Variants in PLXNA2 observed in about 807,000 individuals in gnomAD.
PLXNA2 encodes plexin A2, also known as plexin-A2.
Under a neutral mutation model 193.5 loss-of-function variants are expected in PLXNA2, and 91 were observed. The ratio of observed to expected loss-of-function variants is 0.47; its 90% CI spans 0.40 to 0.56. PLXNA2 has a LOEUF of 0.56. Ranked by LOEUF, PLXNA2 falls within the 20% of genes least tolerant of loss-of-function variation. The pLI is 0.00. For synonymous variants in PLXNA2, 997 were observed against 1,027.3 expected (o/e 0.97, Z 0.56); for missense variants, 1,995 against 2,503.2 (o/e 0.80, Z 4.33).
rs368056918 is a variant in PLXNA2, at chr1:208,186,708, A to ATTTTGTTTTTTGTTTTTTG, written c.1371+23571_1371+23572insCAAAAAACAAAAAACAAAA. ...GGGCTGTCCTGGGAATTGCAATGTTATTTTATTTTTTTTTTTTTTTTTGAG... is the reference window on the plus strand; with the variant it reads ...GGGCTGTCCTGGGAATTGCAATGTTATTTTGTTTTTTGTTTTTTGTTTTATTTTTTTTTTTTTTTTTGAG... On this transcript the variant is annotated intron_variant, in intron 3 of 31. Transcript: ENST00000367033. 3.8e-4 allele frequency among the ~76,000 whole-genome samples: 43 copies of ATTTTGTTTTTTGTTTTTTG among 111,714 alleles called. 2 individuals carry two copies. Among genetic ancestry groups the ATTTTGTTTTTTGTTTTTTG allele is most frequent in the Middle Eastern group, 4.1e-3 (1 of 246 alleles). The allele number at this position is 111,714 out of a possible 152,430, so 73.3% of individuals were successfully genotyped here. A position where few individuals can be genotyped will look rare whatever the true frequency, so the allele number is the denominator to read the frequency against.
At position 208,038,928 on chromosome 1, in the gene PLXNA2, C is replaced by A; in HGVS notation, c.4557G>T (p.Val1519=). ...CCTGTGTGATGGTGTCACAGTTTAA[C>A]ACCTTCACTGGGATCTCTGGACTGT... ...NENSPEIPVK[V]LNCDTITQVK... Residue 1519 remains valine (V), a synonymous_variant, in exon 25 of 32, where the codon GTG becomes GTT. Transcript: ENST00000367033. This position sits in a 1 kb window ranked among gnomAD's most constrained non-coding sequence, Gnocchi z 4.1. The A allele has an allele frequency of 6.2e-7, 1 of 1,614,122 alleles. No individual in the cohort carries two copies. Among genetic ancestry groups the A allele is most frequent in the Non-Finnish European group, 8.5e-7 (1 of 1,180,004 alleles).
intron 4 of PLXNA2, among the ~76,000 whole-genome samples, chr1:208,109,406 C>T (rs867646384): frequency 1.9e-4 from 29 of 152,326 alleles, no homozygotes; most frequent in South Asian, 4.1e-4. Flanking sequence ...AGATCTGACA[C>T]TCATTTACAC....
chr1:208,194,298 G>T (rs1428571418), intron 3 of PLXNA2, among the ~76,000 whole-genome samples: 3 of 151,854 alleles, frequency 2.0e-5, no homozygotes, highest in East Asian at 3.9e-4. Context: ...GGAAAGGGCC[G>T]AATGAAAATG....
At chr1:208,080,101 G>A (rs1666287665) in intron 11 of PLXNA2, among the ~76,000 whole-genome samples, 1 of 152,182 alleles carries the variant, frequency 6.6e-6, no homozygotes, top group South Asian at 2.1e-4. Context: ...GTCCTGAGAA[G>A]TGAGGACTGT....
At chr1:208,098,432 C>CCTCTCT (rs200790325) in intron 6 of PLXNA2, among the ~76,000 whole-genome samples, 1 of 137,250 alleles carries the variant, frequency 7.3e-6, no homozygotes, top group African/African-American at 2.8e-5. Context: ...CTTATTCTTT[C>CCTCTCT]CTCTCTCTCT....
chr1:208,155,966 C>T (rs1400814878), intron 3 of PLXNA2, among the ~76,000 whole-genome samples: 1 of 152,174 alleles, frequency 6.6e-6, no homozygotes, highest in Non-Finnish European at 1.5e-5. Context: ...AGGACCTCCC[C>T]ATGAAGCGCA....
At position 208,120,438 on chromosome 1, in the gene PLXNA2, C is replaced by A. The variant is rs1463343269; in HGVS notation, c.1507-17191G>T. ...TCTTTGACGCATGGGGAGGGGCAGG[C>A]AGCACTTTTCGGGTTCTTCATTAAG... On this transcript the variant is annotated intron_variant, in intron 4 of 31. Transcript: ENST00000367033. Among the ~76,000 whole-genome samples, 4 of 152,226 alleles carry A rather than the reference C, an allele frequency of 2.6e-5. No homozygotes were observed. The Middle Eastern group carries it at 0.014, about 518-fold the overall frequency.
chr1:208,100,965 C>T (rs1169156908), intron 5 of PLXNA2, among the ~76,000 whole-genome samples: 1 of 152,174 alleles, frequency 6.6e-6, no homozygotes. Flanking sequence ...AGCAGTGATT[C>T]GCACCCTAAC....
At chr1:208,067,153 T>C (rs1238592307) in intron 12 of PLXNA2, among the ~76,000 whole-genome samples, 1 of 152,112 alleles carries the variant, frequency 6.6e-6, no homozygotes, top group Non-Finnish European at 1.5e-5. Flanking sequence ...GAGACCAGCC[T>C]GAGCAACATG....
rs139394737 is a variant in PLXNA2 at position 208,093,533 on chromosome 1, G to A, written c.1983-633C>T. ...GAGATAATGCATAGAAAATGGTTTC[G>A]AAAAATGCCATGCTAAATGTGAGTA... On this transcript the variant is annotated intron_variant, in intron 8 of 31. Coordinates refer to ENST00000367033, the MANE Select transcript of PLXNA2 (RefSeq NM_025179.4). Among the ~76,000 whole-genome samples the A allele has an allele frequency of 1.9e-3, 284 of 152,276 alleles. 1 individual carries two copies. Among genetic ancestry groups the A allele is most frequent in the African/African-American group, 6.6e-3 (274 of 41,556 alleles).
chr1:208,116,780 A>C (rs1667650335), intron 4 of PLXNA2, among the ~76,000 whole-genome samples: 1 of 152,202 alleles, frequency 6.6e-6, no homozygotes, highest in Non-Finnish European at 1.5e-5. Context: ...GGTAAAGTGC[A>C]GACTGCCATA....
At chr1:208,232,929 G>T (rs1671732976) in intron 1 of PLXNA2, among the ~76,000 whole-genome samples, 1 of 152,204 alleles carries the variant, frequency 6.6e-6, no homozygotes, top group Non-Finnish European at 1.5e-5. Flanking sequence ...AGCAAAGAGG[G>T]AACTCAAGCT....
At chr1:208,187,989 A>G (rs939599863) in intron 3 of PLXNA2, among the ~76,000 whole-genome samples, 1 of 152,228 alleles carries the variant, frequency 6.6e-6, no homozygotes, top group Non-Finnish European at 1.5e-5. Flanking sequence ...CCCCAAGGTC[A>G]GTGGCTGTAG....
At chr1:208,061,853 A>C (rs997092798) in intron 12 of PLXNA2, among the ~76,000 whole-genome samples, 5 of 152,180 alleles carry the variant, frequency 3.3e-5, no homozygotes, top group African/African-American at 1.2e-4. Context: ...ACTCGAAGTG[A>C]ACTCAATCCT....
At chr1:208,072,682 G>C (rs1310690048) in intron 12 of PLXNA2, among the ~76,000 whole-genome samples, 5 of 152,172 alleles carry the variant, frequency 3.3e-5, no homozygotes, top group Admixed American at 2.6e-4. Flanking sequence ...TTAGAATAAT[G>C]CTTCCCCCAA....
intron 28 of PLXNA2, 57 bp downstream of exon 28, chr1:208,033,262 G>C: frequency 6.9e-7 from 1 of 1,453,768 alleles, no homozygotes; most frequent in South Asian, 1.3e-5. Flanking sequence ...GTGTTGTGGA[G>C]GGGCAGGATG....
chr1:208,042,598 C>T (rs541917834), intron 21 of PLXNA2, among the ~76,000 whole-genome samples: 2 of 152,302 alleles, frequency 1.3e-5, no homozygotes, highest in African/African-American at 4.8e-5. Context: ...GGGCTCCATG[C>T]GGAGCTCTCA....
At position 208,109,807 on chromosome 1, in the gene PLXNA2, C is replaced by T. The variant is rs530675890; in HGVS notation, c.1507-6560G>A. On this transcript the variant is annotated intron_variant, in intron 4 of 31. Transcript: ENST00000367033. ...GTGGCCCAGGAGTCCACTGCGAGAT[C>T]CGAGGCAAGAGCAGAGCGGGGATCA... is the stretch of plus-strand genomic sequence containing the variant. 1.4e-4 allele frequency among the ~76,000 whole-genome samples: 21 copies of T among 152,310 alleles called. No individual in the cohort carries two copies. The South Asian group carries it at 3.7e-3, about 27-fold the overall frequency.
intron 3 of PLXNA2, among the ~76,000 whole-genome samples, chr1:208,190,047 C>T (rs770661859): frequency 5.3e-5 from 8 of 152,108 alleles, no homozygotes; most frequent in East Asian, 1.9e-4. Context: ...CCACCCACAC[C>T]GAAGTCACCC....
Sources: allele counts gnomAD v4.1 joint callset (sites outside exome capture counted in the v4.1 genomes callset), GRCh38; gene constraint gnomAD v4.1.1; non-coding constraint Gnocchi (gnomAD v3.1); transcripts MANE v1.5; gene names NCBI Gene and HGNC (gene_info 2026-07-23, HGNC 2026-07-21).